Variants in SEMA4D observed in about 807,000 individuals in gnomAD.
The protein encoded by SEMA4D is semaphorin 4D.
A neutral mutation model predicts 74.8 loss-of-function variants in SEMA4D; 22 were observed. That is an observed-to-expected ratio of 0.29 (90% confidence interval 0.21 to 0.42). SEMA4D has a LOEUF of 0.42. Among genes scored for constraint, SEMA4D ranks in the 10% least tolerant of loss-of-function variants. SEMA4D has a pLI of 1.00. For synonymous variants in SEMA4D, 445 were observed against 463.7 expected, an observed-to-expected ratio of 0.96 and a Z score of 0.52; for missense variants, 937 against 1,118.4, an observed-to-expected ratio of 0.84 and a Z score of 2.31.
intron 2 of SEMA4D, among the ~76,000 whole-genome samples, chr9:89,408,988 G>A (rs1474896015): frequency 6.6e-6 from 1 of 152,232 alleles, no homozygotes; most frequent in Non-Finnish European, 1.5e-5. Context: ...GGAGCCTGCA[G>A]AGGTAAGGCG....
chr9:89,396,070 C>T (rs1308191862), intron 6 of SEMA4D, among the ~76,000 whole-genome samples: 1 of 152,138 alleles, frequency 6.6e-6, no homozygotes, highest in Non-Finnish European at 1.5e-5. Context: ...GGGGAGGTGC[C>T]GGATACCAGG....
chr9:89,387,687 A>AGG (rs940710651), intron 11 of SEMA4D, 79 bp from the exon 12 acceptor site: 1 of 1,261,178 alleles, frequency 7.9e-7, no homozygotes, highest in African/African-American at 1.5e-5. Context: ...CAGCCAACGC[A>AGG]GGGGGGGCTG....
At chr9:89,430,901 C>T (rs902295784) in intron 2 of SEMA4D, among the ~76,000 whole-genome samples, 19 of 152,112 alleles carry the variant, frequency 1.2e-4, no homozygotes, top group Non-Finnish European at 2.8e-4. Context: ...CGCTTGAACC[C>T]GGGAGGCGGA....
intron 2 of SEMA4D, among the ~76,000 whole-genome samples, chr9:89,426,824 T>C (rs1011399630): frequency 4.6e-5 from 7 of 152,172 alleles, no homozygotes; most frequent in South Asian, 2.1e-4. Context: ...ACCAACTCAC[T>C]TCCCATCAAC....
intron 1 of SEMA4D, among the ~76,000 whole-genome samples, chr9:89,483,564 C>A (rs1824890293): frequency 6.6e-6 from 1 of 152,182 alleles, no homozygotes; most frequent in African/African-American, 2.4e-5. Context: ...TTTACATTTC[C>A]ATGCAGTTAC....
intron 3 of SEMA4D, among the ~76,000 whole-genome samples, chr9:89,403,773 A>G (rs1309498139): frequency 6.6e-6 from 1 of 152,152 alleles, no homozygotes; most frequent in African/African-American, 2.4e-5. Flanking sequence ...TTTATTTAAG[A>G]GTCAGGTGGG....
intron 1 of SEMA4D, among the ~76,000 whole-genome samples, chr9:89,469,787 A>G (rs1859710162): frequency 6.6e-6 from 1 of 152,204 alleles, no homozygotes; most frequent in South Asian, 2.1e-4. Flanking sequence ...TCTATGGAAA[A>G]CTCACAGCTA....
intron 1 of SEMA4D, among the ~76,000 whole-genome samples, chr9:89,473,009 T>A (rs537509038): frequency 1.3e-5 from 2 of 150,172 alleles, no homozygotes; most frequent in Admixed American, 1.3e-4. Flanking sequence ...GGTGGGAGGA[T>A]CACTTGAGCC....
chr9:89,409,045 C>T (rs138046713), intron 2 of SEMA4D, among the ~76,000 whole-genome samples: 9 of 152,094 alleles, frequency 5.9e-5, no homozygotes, highest in Admixed American at 1.3e-4. Flanking sequence ...CAGGGGCAGG[C>T]GAGTGGGTAT....
rs1270041480 is a variant in SEMA4D at position 89,378,774 on chromosome 9, G to C, written c.2519C>G (p.Ser840Cys). Residue 840 changes from serine (S) to cysteine (C), a missense_variant, in exon 16 of 16, where the codon TCT becomes TGT. Transcript: ENST00000422704. ...REDSQRIDDL[S>C]ARDKPFDVKC... Reference sequence around the variant, plus strand: ...GACGTCAAAGGGCTTGTCCCTGGCAGAAAGGTCGTCGATCCTCTGTGAGTC... The same window carrying C: ...GACGTCAAAGGGCTTGTCCCTGGCACAAAGGTCGTCGATCCTCTGTGAGTC... 3.7e-6 allele frequency: 6 copies of C among 1,614,134 alleles called. No individual in the cohort carries two copies. Among genetic ancestry groups the C allele is most frequent in the Admixed American group, 1.7e-5 (1 of 60,010 alleles).
chr9:89,450,900 CCCTT>C lies in SEMA4D; in HGVS notation c.-244+4984_-244+4987del, dbSNP rs369590557. On this transcript the variant is annotated intron_variant, in intron 2 of 15. Coordinates refer to ENST00000422704, the MANE Select transcript of SEMA4D (RefSeq NM_001371194.2). ...CGCCACCCCAGTTTTGCAACCCACT[CCCTT>C]CCAACAACAACCAGCTCCATCTGAC... is the stretch of plus-strand genomic sequence containing the variant. 5.8e-5 allele frequency: 27 copies of C among 464,258 alleles called. No individual in the cohort carries two copies. The South Asian group carries it at 6.0e-4, about 10-fold the overall frequency. The allele number at this position is 464,258 out of a possible 1,614,324, so 28.8% of individuals were successfully genotyped here.
chr9:89,475,694 G>A (rs774001407), intron 1 of SEMA4D, among the ~76,000 whole-genome samples: 15 of 152,172 alleles, frequency 9.9e-5, no homozygotes, highest in Admixed American at 3.3e-4. Flanking sequence ...CTCCCGCCTC[G>A]CTGTGACTGT....
chr9:89,371,941 G>GGT (rs1834997265), intron 16 of SEMA4D, among the ~76,000 whole-genome samples: 2 of 142,636 alleles, frequency 1.4e-5, no homozygotes, highest in East Asian at 2.1e-4. Context: ...TGTGGGGTGT[G>GGT]GTGTGTGTGG....
intron 3 of SEMA4D, among the ~76,000 whole-genome samples, chr9:89,403,818 C>T (rs1283914545): frequency 6.6e-6 from 1 of 152,188 alleles, no homozygotes; most frequent in Non-Finnish European, 1.5e-5. Context: ...AACCCCAGCA[C>T]TTTGGGAGGC....
At chr9:89,377,179 G>C, downstream of SEMA4D, 1 of 1,385,290 alleles carries the variant, frequency 7.2e-7, no homozygotes, top group South Asian at 1.7e-5. Context: ...TGTCCCGCCT[G>C]GGCCATGCAG....
Position 89,402,451 on chromosome 9 carries a change from A to G in SEMA4D, c.252+420T>C, listed in dbSNP as rs140831188. Among the ~76,000 whole-genome samples the G allele has an allele frequency of 5.8e-3, 877 of 152,236 alleles. 6 individuals carry two copies. Among genetic ancestry groups the G allele is most frequent in the Middle Eastern group, 0.02 (6 of 294 alleles). ...ACACTGGCTGAATGTATGATGATAT[A>G]AATTTTGGAGAAGCTATTTTTGATT... On this transcript the variant is annotated intron_variant, in intron 4 of 15. Coordinates refer to ENST00000422704, the MANE Select transcript of SEMA4D (RefSeq NM_001371194.2).
At chr9:89,391,556 A>G (rs570686655) in intron 8 of SEMA4D, 141 bp from the exon 9 acceptor site, 14 of 755,422 alleles carry the variant, frequency 1.9e-5, no homozygotes, top group African/African-American at 1.6e-4. Flanking sequence ...ACATGCCACA[A>G]TCCAAACAGA....
rs368073060 is a variant in SEMA4D, at chr9:89,392,543, G to T, written c.509-7C>A. 1 of 1,595,218 alleles carries T rather than the reference G, an allele frequency of 6.3e-7. No homozygotes were observed. The highest frequency in any genetic ancestry group is 2.2e-5 in the East Asian group (1 of 44,778). On this transcript the variant is annotated splice_region_variant and splice_polypyrimidine_tract_variant and intron_variant, in intron 7 of 15. Transcript: ENST00000422704. ...CCCGAATAAAGTTCTCCATCTGCAG[G>T]GGCCCAGAAGAAAAGAGGAAAAGGG...
intron 2 of SEMA4D, among the ~76,000 whole-genome samples, chr9:89,451,055 T>G (rs899873701): frequency 3.3e-5 from 5 of 152,152 alleles, no homozygotes. Flanking sequence ...TTTCTTCTAC[T>G]CTCTGCTTGG....
Sources: gnomAD v4.1 joint callset for allele counts (sites outside exome capture counted in the v4.1 genomes callset) on GRCh38, gnomAD v4.1.1 for gene constraint, MANE v1.5 for transcripts, NCBI Gene and HGNC (gene_info 2026-07-23, HGNC 2026-07-21) for gene names.